Variants in TNKS1BP1 observed in about 807,000 individuals in gnomAD.
TNKS1BP1 encodes CCR4-NOT transcription complex subunit 12.
A neutral mutation model predicts 141.1 loss-of-function variants in TNKS1BP1; 48 were observed. The ratio of observed to expected loss-of-function variants is 0.34; its 90% CI spans 0.27 to 0.43. The LOEUF (loss-of-function observed/expected upper bound fraction) is 0.43, where lower values mean the gene tolerates loss of function less well. Ranked by LOEUF, TNKS1BP1 falls within the 20% of genes least tolerant of loss-of-function variation. The pLI, the probability that TNKS1BP1 is intolerant of heterozygous loss-of-function variation, is 1.00. For synonymous variants in TNKS1BP1, 875 were observed against 898.2 expected, an observed-to-expected ratio of 0.97 and a Z score of 0.46; for missense variants, 2,149 against 2,226.0, an observed-to-expected ratio of 0.97 and a Z score of 0.70.
rs188199387 is a variant in TNKS1BP1 at position 57,319,093 on chromosome 11, C to T, written c.728+986G>A. ...CCAGGAGGTGGAGCTTGCAGTGAGCCGAGATTGCGCCACTGCACTCCAGCC... is the reference window on the plus strand; with the variant it reads ...CCAGGAGGTGGAGCTTGCAGTGAGCTGAGATTGCGCCACTGCACTCCAGCC... On this transcript the variant is annotated intron_variant, in intron 3 of 11. Coordinates refer to ENST00000358252, the MANE Select transcript of TNKS1BP1 (RefSeq NM_033396.3). Among the ~76,000 whole-genome samples the T allele has an allele frequency of 1.4e-4, 21 of 147,546 alleles. No individual in the cohort carries two copies. The East Asian group carries it at 4.2e-3, about 30-fold the overall frequency.
intron 6 of TNKS1BP1, among the ~76,000 whole-genome samples, chr11:57,305,370 C>T (rs943680152): frequency 4.6e-5 from 7 of 152,194 alleles, no homozygotes; most frequent in Non-Finnish European, 1.0e-4. Flanking sequence ...TCATTATCAT[C>T]CTCAACACGG....
At chr11:57,321,744 T>TGGGGGGGGG in intron 2 of TNKS1BP1, 48 bp downstream of exon 2, 4 of 1,039,814 alleles carry the variant, frequency 3.8e-6, no homozygotes, top group African/African-American at 1.6e-5. Context: ...CCTCTGTCCT[T>TGGGGGGGGG]CCCACCCCCC....
chr11:57,305,534 A>C (rs1236175662), intron 6 of TNKS1BP1, among the ~76,000 whole-genome samples: 1 of 152,166 alleles, frequency 6.6e-6, no homozygotes, highest in Admixed American at 6.5e-5. Flanking sequence ...CAAAACGTGA[A>C]TATCCCAGTG....
intron 4 of TNKS1BP1, among the ~76,000 whole-genome samples, chr11:57,314,457 G>A (rs995125382): frequency 6.6e-6 from 1 of 152,178 alleles, no homozygotes; most frequent in Non-Finnish European, 1.5e-5. Context: ...GCACTGGGGG[G>A]TGTGACAGCG....
intron 3 of TNKS1BP1, 87 bp from the exon 4 acceptor site, chr11:57,317,974 C>T: frequency 2.4e-6 from 3 of 1,271,650 alleles, no homozygotes; most frequent in Admixed American, 3.5e-5. Context: ...CCCAGTGCAA[C>T]TTTAACAGCA....
At chr11:57,320,004 G>A (rs1042783303) in intron 3 of TNKS1BP1, 75 bp downstream of exon 3, 1 of 1,555,510 alleles carries the variant, frequency 6.4e-7, no homozygotes, top group South Asian at 1.2e-5. Flanking sequence ...CATGCACTTG[G>A]TCCCCAGCCC....
At chr11:57,314,187 G>C (rs7943907) in intron 4 of TNKS1BP1, among the ~76,000 whole-genome samples, 46,296 of 152,198 alleles carry the variant, frequency 0.3, 7,488 homozygotes, top group Non-Finnish European at 0.37. Context: ...CAAAGCTCAT[G>C]TGAGGATCTC....
chr11:57,307,741 C>T (rs1159015783), intron 6 of TNKS1BP1, among the ~76,000 whole-genome samples: 2 of 152,236 alleles, frequency 1.3e-5, no homozygotes, highest in African/African-American at 4.8e-5. Context: ...GCAAAACCAT[C>T]TCAGCTGGTT....
In TNKS1BP1 at chr11:57,310,471, C is replaced by G. The variant is rs1253464205; in HGVS notation, c.2240G>C (p.Ser747Thr). 6.2e-7 allele frequency: 1 copy of G among 1,613,076 alleles called. No individual in the cohort carries two copies. The highest frequency in any genetic ancestry group is 1.1e-5 in the South Asian group (1 of 91,068). ...GTCCTGAGAAGCACCTTGACACCAG[C>G]TGGAAGGACTGAAACTGCTGGGCTG... ...DPQPSSFSPS[S>T]WCQGASQDYG... Residue 747 changes from serine to threonine, a missense_variant, in exon 6 of 12, where the codon AGC becomes ACC. Ser to Thr is a moderately conservative substitution (Grantham distance 58). Transcript: ENST00000358252.
intron 1 of TNKS1BP1, among the ~76,000 whole-genome samples, chr11:57,323,249 T>C: frequency 6.6e-6 from 1 of 151,808 alleles, no homozygotes; most frequent in East Asian, 1.9e-4. Flanking sequence ...CCCAGACCAT[T>C]CCTTCACTCT....
In TNKS1BP1 at chr11:57,308,520, C is replaced by T; in HGVS notation, c.4191G>A (p.Arg1397=). Residue 1397 remains arginine (R), a synonymous_variant, in exon 6 of 12, where the codon AGG becomes AGA. Transcript: ENST00000358252. ...CACTTGTCTCACCAACCCCCAGCTC[C>T]CTGGCCTCCAAGGGGTCTCTGGCCT... ...GLEARDPLEA[R]ELGVGETSGP... is the part of the protein sequence containing the mutation. The T allele has an allele frequency of 1.9e-6, 3 of 1,614,186 alleles. No individual in the cohort carries two copies. Among genetic ancestry groups the T allele is most frequent in the Non-Finnish European group, 1.7e-6 (2 of 1,180,028 alleles).
At position 57,302,807 on chromosome 11, in the gene TNKS1BP1, G is replaced by A; in HGVS notation, c.4335C>T (p.Ala1445=). The A allele has an allele frequency of 6.5e-7, 1 of 1,538,068 alleles. No individual in the cohort carries two copies. The highest frequency in any genetic ancestry group is 1.2e-5 in the South Asian group (1 of 82,766). Residue 1445 remains alanine (A), a synonymous_variant, in exon 7 of 12, where the codon GCC becomes GCT. Transcript: ENST00000358252. The surrounding 1 kb of genome is among the most constrained non-coding windows in gnomAD (Gnocchi z 5.5). Reference sequence around the variant, plus strand: ...CCTGGGAGCCGGAGGGTGGGGGGCGGGCCGGGCACCTGCCAGGGCTGTAAA... The same window carrying A: ...CCTGGGAGCCGGAGGGTGGGGGGCGAGCCGGGCACCTGCCAGGGCTGTAAA... The part of the protein sequence containing the change: ...SFGASPGRCP[A]RPPPSGSQGL...
intron 1 of TNKS1BP1, 179 bp from the exon 2 acceptor site, chr11:57,322,129 C>G (rs1344868203): frequency 9.5e-6 from 10 of 1,050,664 alleles, no homozygotes; most frequent in Non-Finnish European, 1.3e-5. Flanking sequence ...ATCCTCAACT[C>G]TTCAAAGATC....
chr11:57,308,612 C>T lies in TNKS1BP1; in HGVS notation c.4099G>A (p.Val1367Met), dbSNP rs1173390598. ...TCTGGGCACTGGCTCACCCCGCCCA[C>T]CCCATGCTCCCTGGCTTCACTTGGA... ...GAPSEAREHG[V>M]GGVSQCPEPG... Residue 1367 changes from valine (V) to methionine (M), a missense_variant, in exon 6 of 12, where the codon GTG (valine) becomes ATG (methionine). Physicochemically the swap from Val to Met is conservative, Grantham distance 21. Coordinates refer to ENST00000358252, the MANE Select transcript of TNKS1BP1 (RefSeq NM_033396.3). 2 of 1,613,896 alleles carry T rather than the reference C, an allele frequency of 1.2e-6. No homozygotes were observed. The highest frequency in any genetic ancestry group is 2.2e-5 in the East Asian group (1 of 44,876).
rs201599810 is a variant in TNKS1BP1, at chr11:57,321,875, G to C, written c.11C>G (p.Ser4Cys). ...CATGGCTGAGCTTTCCCTGAGAGTA[G>C]ACACTTTCATCACATGCGGCAGACC... MKVSTLRESSAMAS... is the reference protein window; with the variant it reads MKVCTLRESSAMAS... Residue 4 changes from serine to cysteine, a missense_variant, in exon 2 of 12, where the codon TCT (serine) becomes TGT (cysteine). By Grantham distance (112) the Ser-to-Cys change is moderately radical. Transcript: ENST00000358252. 113 of 1,614,102 alleles carry C rather than the reference G, an allele frequency of 7.0e-5. No individual in the cohort carries two copies. The East Asian group carries it at 2.4e-3, about 34-fold the overall frequency.
rs756294920 is a variant in TNKS1BP1, at chr11:57,300,914, G to A, written c.5099C>T (p.Thr1700Met). 37 of 1,614,044 alleles carry A rather than the reference G, an allele frequency of 2.3e-5. No homozygotes were observed. Among genetic ancestry groups the A allele is most frequent in the South Asian group, 5.5e-5 (5 of 91,074 alleles). The change falls in exon 10 of 12, where the codon ACG (threonine) becomes ATG (methionine). Residue 1700 changes from threonine (T) to methionine (M), a missense_variant. Physicochemically the swap from Thr to Met is moderately conservative, Grantham distance 81. Coordinates refer to ENST00000358252, the MANE Select transcript of TNKS1BP1 (RefSeq NM_033396.3). ...CKVPGLGKPL[T>M]LPPKPEKSSG... ...GGATTTCTCTGGCTTGGGAGGTAAC[G>A]TGAGGGGCTTTCCCAGTCCTGGGAC...
intron 4 of TNKS1BP1, among the ~76,000 whole-genome samples, chr11:57,315,785 T>C (rs868049724): frequency 4.8e-5 from 7 of 144,414 alleles, no homozygotes; most frequent in African/African-American, 1.8e-4. Flanking sequence ...ACCTACTTCC[T>C]GCATGGGAGC....
chr11:57,301,718 G>A lies in TNKS1BP1; in HGVS notation c.4971+89C>T. ...GAATGGGAGAGGGGGACAGGGGAAT[G>A]AATTGATGGATGAAGAGAAGAAAGA... On this transcript the variant is annotated intron_variant, in intron 9 of 11. Coordinates refer to ENST00000358252, the MANE Select transcript of TNKS1BP1 (RefSeq NM_033396.3). 5.3e-6 allele frequency: 8 copies of A among 1,519,476 alleles called. No homozygotes were observed. In the South Asian group the frequency reaches 1.0e-4, roughly 19 times the overall value. The allele number at this position is 1,519,476 out of a possible 1,614,324, so 94.1% of individuals were successfully genotyped here. A position where few individuals can be genotyped will look rare whatever the true frequency, so the allele number is the denominator to read the frequency against.
chr11:57,314,699 G>A (rs1239173767), intron 4 of TNKS1BP1, among the ~76,000 whole-genome samples: 1 of 152,078 alleles, frequency 6.6e-6, no homozygotes, highest in Admixed American at 6.5e-5. Context: ...GAGAGAAGAG[G>A]GGGACAAACA....
Sources: gnomAD v4.1 joint callset for allele counts (sites outside exome capture counted in the v4.1 genomes callset) on GRCh38, gnomAD v4.1.1 for gene constraint, Gnocchi (gnomAD v3.1) non-coding constraint, MANE v1.5 for transcripts, NCBI Gene and HGNC (gene_info 2026-07-23, HGNC 2026-07-21) for gene names.